Variants in HSDL2 observed in about 807,000 individuals in gnomAD.
HSDL2 encodes the protein hydroxysteroid dehydrogenase like 2.
In HSDL2, 27 loss-of-function variants were observed where a neutral mutation model predicts 46.3. That is an observed-to-expected ratio of 0.58 (90% CI 0.43 to 0.80). The LOEUF (loss-of-function observed/expected upper bound fraction) is 0.80. Among genes scored for constraint, HSDL2 ranks in the 30% least tolerant of loss-of-function variants. The pLI, the probability that HSDL2 is intolerant of heterozygous loss-of-function variation, is 0.00. For missense variants in HSDL2, 451 were observed against 502.7 expected, an observed-to-expected ratio of 0.90 and a Z score of 0.98; for synonymous variants, 153 against 163.6, an observed-to-expected ratio of 0.94 and a Z score of 0.50.
chr9:112,428,421 T>G (rs1015422323), intron 6 of HSDL2, among the ~76,000 whole-genome samples: 1 of 152,248 alleles, frequency 6.6e-6, no homozygotes, highest in African/African-American at 2.4e-5. Flanking sequence ...AGTGTTGTTT[T>G]TTGCAGTGGG....
At chr9:112,437,012 A>T (rs2065231) in intron 6 of HSDL2, among the ~76,000 whole-genome samples, 101,461 of 146,442 alleles carry the variant, frequency 0.69, 35,099 homozygotes, top group South Asian at 0.72. Context: ...CAGGCTGGAG[A>T]ACAGTGGAGT....
At chr9:112,463,602 T>C (rs1291438741) in intron 10 of HSDL2, among the ~76,000 whole-genome samples, 2 of 152,206 alleles carry the variant, frequency 1.3e-5, no homozygotes, top group African/African-American at 4.8e-5. Flanking sequence ...CAGAGTTGGC[T>C]TGTTGTCTTT....
chr9:112,409,948 C>T (rs1311687363), intron 4 of HSDL2, among the ~76,000 whole-genome samples: 2 of 151,686 alleles, frequency 1.3e-5, no homozygotes, highest in Middle Eastern at 3.2e-3. Flanking sequence ...TCATAGGACA[C>T]AGTCCTTTCA....
intron 1 of HSDL2, among the ~76,000 whole-genome samples, chr9:112,402,728 C>G (rs1035344300): frequency 1.3e-5 from 2 of 151,982 alleles, no homozygotes; most frequent in African/African-American, 4.8e-5. Context: ...CGAGACCAGC[C>G]TGGCCAACAT....
At chr9:112,443,130 G>A (rs1167979693) in intron 8 of HSDL2, among the ~76,000 whole-genome samples, 2 of 152,216 alleles carry the variant, frequency 1.3e-5, no homozygotes, top group South Asian at 2.1e-4. Flanking sequence ...CTTCAAGTTA[G>A]TTAAGTCCCA....
intron 8 of HSDL2, among the ~76,000 whole-genome samples, chr9:112,447,131 A>G (rs1832774726): frequency 6.6e-6 from 1 of 152,084 alleles, no homozygotes; most frequent in African/African-American, 2.4e-5. Flanking sequence ...GTGCATTTTT[A>G]TATTTATTCA....
chr9:112,416,276 C>T (rs1441562059), intron 4 of HSDL2, among the ~76,000 whole-genome samples: 1 of 151,422 alleles, frequency 6.6e-6, no homozygotes, highest in Non-Finnish European at 1.5e-5. Flanking sequence ...CAAAAACTAT[C>T]CAGGTAGCTG....
chr9:112,451,972 T>G (rs138197446), intron 8 of HSDL2, among the ~76,000 whole-genome samples: 49 of 152,304 alleles, frequency 3.2e-4, no homozygotes, highest in African/African-American at 1.1e-3. Flanking sequence ...TCTGAATGTA[T>G]GTTACATGTC....
intron 6 of HSDL2, among the ~76,000 whole-genome samples, chr9:112,423,180 A>G (rs553786344): frequency 6.6e-6 from 1 of 152,358 alleles, no homozygotes; most frequent in Admixed American, 6.5e-5. Context: ...TGGATTATAT[A>G]GAATAACTGG....
At chr9:112,438,701 G>A in intron 7 of HSDL2, 76 bp downstream of exon 7, 1 of 820,730 alleles carries the variant, frequency 1.2e-6, no homozygotes, top group Admixed American at 3.1e-5. Flanking sequence ...TGTTTTTTGT[G>A]TGTGTTTGTG....
At chr9:112,383,547 TTTGTCCTAGCAGCA>T (rs1175081566) in intron 1 of HSDL2, among the ~76,000 whole-genome samples, 51 of 152,206 alleles carry the variant, frequency 3.4e-4, no homozygotes, top group African/African-American at 1.2e-3. Context: ...TGGCTGCTCA[TTTGTCCTAGCAGCA>T]TTGACCTAAG....
Position 112,426,535 on chromosome 9 carries a change from C to T in HSDL2, c.598+7577C>T, listed in dbSNP as rs528820354. ...ATAGGCATGAGCCACTGCTCCTTGCCCTGGCAAGGTTTCTATGCAGTCTGT... is the reference window on the plus strand; with the variant it reads ...ATAGGCATGAGCCACTGCTCCTTGCTCTGGCAAGGTTTCTATGCAGTCTGT... On this transcript the variant is annotated intron_variant, in intron 6 of 10. Transcript: ENST00000398805. Among the ~76,000 whole-genome samples, 7 of 152,216 alleles carry T rather than the reference C, an allele frequency of 4.6e-5. No homozygotes were observed. In the South Asian group the frequency reaches 1.5e-3, roughly 32 times the overall value.
intron 6 of HSDL2, among the ~76,000 whole-genome samples, chr9:112,425,997 T>TC (rs748378589): frequency 6.6e-6 from 1 of 152,212 alleles, no homozygotes; most frequent in African/African-American, 2.4e-5. Context: ...CACCTCGGCC[T>TC]CCCAAATTGT....
intron 6 of HSDL2, among the ~76,000 whole-genome samples, chr9:112,424,501 AC>A (rs1832204352): frequency 6.6e-6 from 1 of 151,998 alleles, no homozygotes; most frequent in South Asian, 2.1e-4. Context: ...TCCAATTCTT[AC>A]ATCCTTGGTT....
At chr9:112,459,953 T>C (rs553057007) in intron 10 of HSDL2, among the ~76,000 whole-genome samples, 2 of 152,280 alleles carry the variant, frequency 1.3e-5, no homozygotes, top group East Asian at 3.9e-4. Context: ...GGGAGTAGGG[T>C]TGTGCTTCCA....
intron 1 of HSDL2, among the ~76,000 whole-genome samples, chr9:112,398,187 G>T (rs1437379094): frequency 3.9e-5 from 6 of 152,048 alleles, no homozygotes; most frequent in Non-Finnish European, 7.4e-5. Context: ...AACCAGAGTG[G>T]CAGGGGCATC....
At chr9:112,383,300 T>G (rs1024094717) in intron 1 of HSDL2, among the ~76,000 whole-genome samples, 1 of 152,190 alleles carries the variant, frequency 6.6e-6, no homozygotes, top group Non-Finnish European at 1.5e-5. Flanking sequence ...CTCAAACTCC[T>G]GACCTCAAGT....
At chr9:112,461,080 A>ATTTTTTTTTTTTTG (rs1175213925) in intron 10 of HSDL2, among the ~76,000 whole-genome samples, 1 of 144,674 alleles carries the variant, frequency 6.9e-6, no homozygotes, top group African/African-American at 2.5e-5. Context: ...CCCTTTAATG[A>ATTTTTTTTTTTTTG]ATTTTTTTTT....
chr9:112,468,080 A>G (rs906093515), intron 10 of HSDL2, among the ~76,000 whole-genome samples: 1 of 152,154 alleles, frequency 6.6e-6, no homozygotes, highest in Non-Finnish European at 1.5e-5. Context: ...CCAGGTTGCA[A>G]TTCATTTTCC....
Sources: allele counts gnomAD v4.1 joint callset (sites outside exome capture counted in the v4.1 genomes callset), GRCh38; gene constraint gnomAD v4.1.1; transcripts MANE v1.5; gene names NCBI Gene and HGNC (gene_info 2026-07-23, HGNC 2026-07-21).